Variants in ADAMTSL1 observed in about 807,000 individuals in gnomAD.
ADAMTSL1 encodes the protein ADAMTS-like protein 1.
ADAMTSL1 carries 126 observed loss-of-function variants against 201.8 expected under a neutral mutation model. That is an observed-to-expected ratio of 0.62 (90% CI 0.54 to 0.72). ADAMTSL1 has a LOEUF of 0.72. Ranked by LOEUF, ADAMTSL1 falls within the 30% of genes least tolerant of loss-of-function variation. The probability of loss-of-function intolerance (pLI) is 0.00; values close to 1 mark genes in which losing one functional copy is unlikely to be tolerated. For synonymous variants in ADAMTSL1, 1,121 were observed against 903.4 expected (o/e 1.24, Z -4.32); for missense variants, 2,679 against 2,277.8 (o/e 1.18, Z -3.59).
intron 2 of ADAMTSL1, among the ~76,000 whole-genome samples, chr9:18,284,317 C>A (rs1832915085): frequency 6.6e-6 from 1 of 151,818 alleles, no homozygotes; most frequent in Non-Finnish European, 1.5e-5. Flanking sequence ...TTTATTTTCC[C>A]CCTTTCTATT....
intron 2 of ADAMTSL1, among the ~76,000 whole-genome samples, chr9:18,168,037 C>T (rs543543713): frequency 5.9e-5 from 9 of 152,000 alleles, no homozygotes; most frequent in South Asian, 2.1e-4. Flanking sequence ...AACATTTAAT[C>T]GCAAATGTAC....
intron 19 of ADAMTSL1, among the ~76,000 whole-genome samples, chr9:18,782,246 T>G (rs1049914403): frequency 4.6e-5 from 7 of 152,356 alleles, no homozygotes; most frequent in African/African-American, 1.7e-4. Context: ...GAAAGAGGTA[T>G]GCATATTTAT....
chr9:18,555,908 C>T (rs73644241), intron 3 of ADAMTSL1, among the ~76,000 whole-genome samples: 6,779 of 152,014 alleles, frequency 0.045, 524 homozygotes, highest in African/African-American at 0.15. Flanking sequence ...GTATTTATTG[C>T]ATTGCCACAC....
intron 1 of ADAMTSL1, among the ~76,000 whole-genome samples, chr9:18,125,857 C>A (rs901173527): frequency 6.6e-6 from 1 of 152,192 alleles, no homozygotes; most frequent in African/African-American, 2.4e-5. Flanking sequence ...CGGACTCTGA[C>A]AACAGGACTA....
At chr9:18,537,902 AAG>A (rs1819884687) in intron 3 of ADAMTSL1, among the ~76,000 whole-genome samples, 1 of 136,768 alleles carries the variant, frequency 7.3e-6, no homozygotes, top group African/African-American at 2.8e-5. Context: ...AAGAAGAAAG[AAG>A]AAGAAGAAGA....
chr9:18,477,391 A>G (rs531616864), intron 1 of ADAMTSL1, among the ~76,000 whole-genome samples: 2 of 152,280 alleles, frequency 1.3e-5, no homozygotes, highest in Admixed American at 6.5e-5. Flanking sequence ...TCTTCTCTGT[A>G]CTAATTTATA....
At chr9:18,676,269 TAAAC>T (rs1294020023) in intron 10 of ADAMTSL1, among the ~76,000 whole-genome samples, 3 of 152,114 alleles carry the variant, frequency 2.0e-5, no homozygotes, top group Non-Finnish European at 2.9e-5. Context: ...TGCTAACTAT[TAAAC>T]AAACAAACAC....
chr9:18,391,119 G>T (rs17792500), intron 2 of ADAMTSL1, among the ~76,000 whole-genome samples: 7,177 of 152,252 alleles, frequency 0.047, 185 homozygotes, highest in Middle Eastern at 0.079. Flanking sequence ...GCAAAGCCAT[G>T]CCTTGTGCCT....
intron 4 of ADAMTSL1, among the ~76,000 whole-genome samples, chr9:18,611,610 A>G (rs181532116): frequency 6.6e-6 from 1 of 152,178 alleles, no homozygotes; most frequent in Non-Finnish European, 1.5e-5. Context: ...GAAGAGTTTT[A>G]ATAAACGTTA....
chr9:18,255,239 C>G (rs1831635818), intron 2 of ADAMTSL1, among the ~76,000 whole-genome samples: 1 of 152,092 alleles, frequency 6.6e-6, no homozygotes, highest in East Asian at 1.9e-4. Flanking sequence ...GCTGTAACTC[C>G]ACACAGAAAC....
At chr9:18,023,712 C>T (rs867432067) in intron 1 of ADAMTSL1, among the ~76,000 whole-genome samples, 2 of 152,236 alleles carry the variant, frequency 1.3e-5, no homozygotes, top group South Asian at 2.1e-4. Flanking sequence ...CAGGTTAGGA[C>T]ATTTGTGTCC....
At chr9:18,776,342 C>T (rs778523520) in intron 18 of ADAMTSL1, among the ~76,000 whole-genome samples, 2 of 152,216 alleles carry the variant, frequency 1.3e-5, no homozygotes, top group Admixed American at 6.5e-5. Context: ...AAACATTTAG[C>T]GGAAGACATT....
In ADAMTSL1 at chr9:18,817,118, T is replaced by C. The variant is rs1823909751; in HGVS notation, c.3815T>C (p.Leu1272Pro). The C allele has an allele frequency of 6.2e-7, 1 of 1,609,172 alleles. No homozygotes were observed. Among genetic ancestry groups the C allele is most frequent in the Non-Finnish European group, 8.5e-7 (1 of 1,178,026 alleles). The change falls in exon 21 of 29, where the codon CTA becomes CCA. Residue 1272 changes from leucine (L) to proline (P), a missense_variant. Physicochemically the swap from Leu to Pro is moderately conservative, Grantham distance 98 (BLOSUM62 -3). Transcript: ENST00000380548. ...SIAVTLAGKP[L>P]VKTSRMTVIN... ...TCTTTCTTATCTTCAGGAAAGCCAC[T>C]AGTGAAAACGTCACGAATGACAGTG...
intron 4 of ADAMTSL1, among the ~76,000 whole-genome samples, chr9:18,577,296 G>T (rs1307897442): frequency 2.6e-5 from 4 of 152,096 alleles, no homozygotes; most frequent in African/African-American, 9.7e-5. Context: ...GACCTGCCTG[G>T]CCAACACGGC....
intron 21 of ADAMTSL1, among the ~76,000 whole-genome samples, chr9:18,823,459 A>G (rs1383600452): frequency 6.6e-6 from 1 of 152,166 alleles, no homozygotes; most frequent in Non-Finnish European, 1.5e-5. Context: ...GGAATGGAAG[A>G]AGCTTGCAAG....
chr9:17,946,960 C>T (rs778556308), intron 1 of ADAMTSL1, among the ~76,000 whole-genome samples: 1 of 151,964 alleles, frequency 6.6e-6, no homozygotes, highest in Non-Finnish European at 1.5e-5. Flanking sequence ...CATTATAGGA[C>T]ACTAGGGTTG....
chr9:18,228,831 A>C (rs1258516869), intron 2 of ADAMTSL1, among the ~76,000 whole-genome samples: 1 of 147,968 alleles, frequency 6.8e-6, no homozygotes, highest in African/African-American at 2.5e-5. Flanking sequence ...ATTGTGATTC[A>C]GAGTTTTTTT....
rs553056697 is a variant in ADAMTSL1 at position 18,777,220 on chromosome 9, C to G, written c.2991C>G (p.His997Gln). 22 of 1,612,828 alleles carry G rather than the reference C, an allele frequency of 1.4e-5. No individual in the cohort carries two copies. The East Asian group carries it at 3.3e-4, about 25-fold the overall frequency. The change falls in exon 19 of 29, where the codon CAC (histidine) becomes CAG (glutamine). Residue 997 changes from histidine (H) to glutamine (Q), a missense_variant. Physicochemically the swap from His to Gln is conservative, Grantham distance 24 (BLOSUM62 0). Transcript: ENST00000380548. ...AGGAGGCCCTGCAGACCCACAAACACCAGAACGGGATCTTCTCCAACGGCA... is the reference window on the plus strand; with the variant it reads ...AGGAGGCCCTGCAGACCCACAAACAGCAGAACGGGATCTTCTCCAACGGCA... ...GPKEALQTHKHQNGIFSNGSK... is the reference protein window; with the variant it reads ...GPKEALQTHKQQNGIFSNGSK...
rs528512112 is a variant in ADAMTSL1, at chr9:18,870,624, C to T, written c.4250-17207C>T. 3.9e-5 allele frequency among the ~76,000 whole-genome samples: 6 copies of T among 152,170 alleles called. No individual in the cohort carries two copies. The East Asian group carries it at 9.7e-4, about 25-fold the overall frequency. The stretch of plus-strand genomic sequence containing the variant: ...AGACTCTGACCTCTGAAATCACAAG[C>T]CAATAAAGTTATAAGCTTTCCAGCT... On this transcript the variant is annotated intron_variant, in intron 23 of 28. Coordinates refer to ENST00000380548, the MANE Select transcript of ADAMTSL1 (RefSeq NM_001040272.6).
Sources: allele counts gnomAD v4.1 joint callset (sites outside exome capture counted in the v4.1 genomes callset), GRCh38; gene constraint gnomAD v4.1.1; transcripts MANE v1.5; gene names NCBI Gene and HGNC (gene_info 2026-07-23, HGNC 2026-07-21).